The following HNMT variants were observed in gnomAD, a reference collection of about 807,000 sequenced individuals.
The protein encoded by HNMT is histamine N-methyltransferase.
In HNMT, 30 loss-of-function variants were observed where a neutral mutation model predicts 32.1. That is an observed-to-expected ratio of 0.93 (90% CI 0.70 to 1.27). HNMT has a LOEUF of 1.27. HNMT is among the 50% of genes most tolerant of loss of function. The pLI is 0.00. For missense variants in HNMT, 327 were observed against 346.0 expected (o/e 0.95, Z 0.43); for synonymous variants, 125 against 119.0 (o/e 1.05, Z -0.33).
rs1680285110 is a variant in HNMT, at chr2:137,976,270, AAAC to A, written c.190+6056_190+6058del. Among the ~76,000 whole-genome samples the A allele has an allele frequency of 3.5e-4, 9 of 25,656 alleles. 1 individual carries two copies. In the South Asian group the frequency reaches 0.037, roughly 107 times the overall value. 16.8% of individuals were successfully genotyped at this position (25,656 alleles called of 152,430 possible). A position where few individuals can be genotyped will look rare whatever the true frequency, so the allele number is the denominator to read the frequency against. ...GACAGAGCAAGACTCCATCTCAAAA[AAAC>A]AAAAAACAAAAAAAAAAAAACCTGT... On this transcript the variant is annotated intron_variant, in intron 2 of 5. Coordinates refer to ENST00000280097, the MANE Select transcript of HNMT (RefSeq NM_006895.3).
intron 2 of HNMT, among the ~76,000 whole-genome samples, chr2:137,980,033 A>G (rs1185757776): frequency 6.7e-6 from 1 of 149,188 alleles, no homozygotes; most frequent in East Asian, 2.0e-4. Context: ...TTCACCTGTA[A>G]CAGGTTTTTT....
intron 2 of HNMT, among the ~76,000 whole-genome samples, chr2:137,993,650 A>G (rs776723416): frequency 2.0e-5 from 3 of 152,228 alleles, no homozygotes; most frequent in Non-Finnish European, 2.9e-5. Flanking sequence ...AAGACTGCCA[A>G]CATGCAAACT....
At chr2:137,971,876 ATTTATC>A (rs1348004347) in intron 2 of HNMT, among the ~76,000 whole-genome samples, 4 of 151,990 alleles carry the variant, frequency 2.6e-5, no homozygotes, top group African/African-American at 9.7e-5. Flanking sequence ...TTATTTATAT[ATTTATC>A]TTTAGTTATT....
Position 137,977,885 on chromosome 2 carries a change from T to A in HNMT, c.190+7668T>A, listed in dbSNP as rs3791243. 5.5e-4 allele frequency among the ~76,000 whole-genome samples: 83 copies of A among 152,158 alleles called. No individual in the cohort carries two copies. The East Asian group carries it at 0.014, about 26-fold the overall frequency. On this transcript the variant is annotated intron_variant, in intron 2 of 5. Transcript: ENST00000280097. ...TCCATATTATCACAGCCCCAGATAC[T>A]GCTTCAGTGCTTTCTCCTGGATATC...
intron 5 of HNMT, among the ~76,000 whole-genome samples, chr2:138,006,955 C>T (rs951235171): frequency 6.6e-6 from 1 of 151,886 alleles, no homozygotes; most frequent in Admixed American, 6.6e-5. Context: ...AATTATTTAA[C>T]CAAAGTATTT....
chr2:137,996,568 A>C (rs1207249036), intron 2 of HNMT, among the ~76,000 whole-genome samples: 1 of 152,234 alleles, frequency 6.6e-6, no homozygotes, highest in East Asian at 1.9e-4. Flanking sequence ...GATAAGAAGA[A>C]TCAATATTAT....
chr2:138,007,604 G>C (rs374312254), intron 5 of HNMT, among the ~76,000 whole-genome samples: 4 of 151,992 alleles, frequency 2.6e-5, no homozygotes, highest in African/African-American at 9.6e-5. Context: ...GTTCCTGGGG[G>C]TCAGACTTAA....
intron 2 of HNMT, among the ~76,000 whole-genome samples, chr2:137,994,907 T>C (rs1012138951): frequency 2.0e-5 from 3 of 152,192 alleles, no homozygotes; most frequent in African/African-American, 7.2e-5. Context: ...AACCTGCTCC[T>C]GAATGACTCC....
intron 5 of HNMT, among the ~76,000 whole-genome samples, chr2:138,012,410 T>C (rs541292129): frequency 1.3e-5 from 2 of 152,134 alleles, no homozygotes; most frequent in African/African-American, 4.8e-5. Flanking sequence ...CTACAAACAT[T>C]GCTAAAAGGT....
intron 5 of HNMT, among the ~76,000 whole-genome samples, chr2:138,007,811 G>C (rs1681373335): frequency 6.6e-6 from 1 of 151,876 alleles, no homozygotes; most frequent in African/African-American, 2.4e-5. Context: ...GGGGGAGAAA[G>C]AGGAACAAAG....
At chr2:137,977,836 T>G (rs1680332418) in intron 2 of HNMT, among the ~76,000 whole-genome samples, 1 of 151,882 alleles carries the variant, frequency 6.6e-6, no homozygotes, top group Admixed American at 6.6e-5. Flanking sequence ...AATATTGAAA[T>G]TCTTGATAAA....
intron 3 of HNMT, 149 bp from the exon 4 acceptor site, chr2:138,001,915 T>C (rs1014845726): frequency 1.6e-5 from 8 of 489,996 alleles, no homozygotes; most frequent in African/African-American, 1.4e-4. Context: ...AAAAGCAGTA[T>C]GAACTCTCTG....
intron 2 of HNMT, among the ~76,000 whole-genome samples, chr2:137,976,287 A>G (rs1421129711): frequency 6.6e-6 from 1 of 151,804 alleles, no homozygotes; most frequent in African/African-American, 2.4e-5. Context: ...AAACAAAAAA[A>G]AAAAAACCTG....
chr2:137,969,071 G>A (rs1292203922), intron 1 of HNMT, among the ~76,000 whole-genome samples: 2 of 152,084 alleles, frequency 1.3e-5, no homozygotes, highest in Admixed American at 1.3e-4. Context: ...AAAGACACTC[G>A]TATTGCCAAA....
intron 5 of HNMT, among the ~76,000 whole-genome samples, chr2:138,010,483 A>ACACC (rs1558749298): frequency 2.2e-5 from 2 of 89,136 alleles, no homozygotes; most frequent in African/African-American, 3.1e-5. Context: ...ACACACACAC[A>ACACC]GCAAATGGAA....
At chr2:137,998,932 G>A (rs988687309) in intron 2 of HNMT, among the ~76,000 whole-genome samples, 1 of 152,118 alleles carries the variant, frequency 6.6e-6, no homozygotes, top group Non-Finnish European at 1.5e-5. Context: ...GGGGCAAGCT[G>A]GAATCTATTT....
At chr2:137,989,974 G>C (rs1680769996) in intron 2 of HNMT, among the ~76,000 whole-genome samples, 1 of 152,096 alleles carries the variant, frequency 6.6e-6, no homozygotes. Context: ...AGAGTTCTTT[G>C]TATATTTTGG....
intron 5 of HNMT, among the ~76,000 whole-genome samples, chr2:138,007,165 G>A (rs1681352604): frequency 2.0e-5 from 3 of 151,892 alleles, no homozygotes; most frequent in African/African-American, 7.2e-5. Context: ...GATTTACACA[G>A]CTATAGCCAT....
At chr2:137,982,658 G>C (rs1680538287) in intron 2 of HNMT, among the ~76,000 whole-genome samples, 2 of 152,192 alleles carry the variant, frequency 1.3e-5, no homozygotes, top group African/African-American at 4.8e-5. Flanking sequence ...CAGCTGATTA[G>C]AAAACAAGTT....
Sources: gnomAD v4.1 joint callset for allele counts (sites outside exome capture counted in the v4.1 genomes callset) on GRCh38, gnomAD v4.1.1 for gene constraint, MANE v1.5 for transcripts, NCBI Gene and HGNC (gene_info 2026-07-23, HGNC 2026-07-21) for gene names.